The following DNAAF8 variants were observed in gnomAD, a reference collection of about 807,000 sequenced individuals.
DNAAF8 encodes the protein dynein axonemal-associated protein 1.
Under a neutral mutation model 54.6 loss-of-function variants are expected in DNAAF8, and 61 were observed. The observed-to-expected ratio is 1.12, with a 90% confidence interval of 0.91 to 1.38. The LOEUF (loss-of-function observed/expected upper bound fraction) is 1.38. Among genes scored for constraint, DNAAF8 ranks in the 40% most tolerant of loss-of-function variants. The probability of loss-of-function intolerance (pLI) is 0.00; values close to 1 mark genes in which losing one functional copy is unlikely to be tolerated. For synonymous variants in DNAAF8, 320 were observed against 270.1 expected, an observed-to-expected ratio of 1.18 and a Z score of -1.81; for missense variants, 837 against 665.0, an observed-to-expected ratio of 1.26 and a Z score of -2.85.
At chr16:4,736,794 T>A in intron 2 of DNAAF8, 151 bp downstream of exon 2, 1 of 916,334 alleles carries the variant, frequency 1.1e-6, no homozygotes, top group Non-Finnish European at 1.5e-6. Flanking sequence ...ATGGCCAGAC[T>A]CAAAGTTGTG....
chr16:4,747,592 G>C lies in DNAAF8; in HGVS notation c.1530G>C (p.Arg510Ser). Residue 510 changes from arginine (R) to serine (S), a missense_variant, in exon 9 of 10, where the codon AGG becomes AGC. Physicochemically the swap from Arg to Ser is moderately radical, Grantham distance 110. Transcript: ENST00000299320. ...LGDVPEPGAAREALMPPLEQL is the reference protein window; with the variant it reads ...LGDVPEPGAASEALMPPLEQL ...ATGTTCCTGAGCCAGGGGCAGCCAG[G>C]GAGGCCCTGATGCCTCCTCTGGAGC... is the stretch of plus-strand genomic sequence containing the variant. The C allele has an allele frequency of 6.2e-7, 1 of 1,610,396 alleles. No individual in the cohort carries two copies. The highest frequency in any genetic ancestry group is 8.5e-7 in the Non-Finnish European group (1 of 1,179,164).
chr16:4,736,867 G>A (rs971145341), intron 2 of DNAAF8, among the ~76,000 whole-genome samples: 7 of 152,146 alleles, frequency 4.6e-5, no homozygotes, highest in Admixed American at 2.6e-4. Flanking sequence ...CTCTGAGCAT[G>A]GGTATTGGTG....
chr16:4,736,323 G>A (rs1024491771), intron 1 of DNAAF8, 141 bp from the exon 2 acceptor site: 1 of 488,784 alleles, frequency 2.0e-6, no homozygotes, highest in African/African-American at 2.0e-5. Flanking sequence ...GCACTAACAG[G>A]AGCTTGCATA....
At position 4,746,504 on chromosome 16, in the gene DNAAF8, C is replaced by G; in HGVS notation, c.1173C>G (p.Ser391=). ...LRQMELPDHL[S]PESSSHSSSD... ...AGATGGAGCTACCAGACCACCTGTCCCCAGAAAGGTCCGGAGGGCAGTGAC... is the reference window on the plus strand; with the variant it reads ...AGATGGAGCTACCAGACCACCTGTCGCCAGAAAGGTCCGGAGGGCAGTGAC... Residue 391 remains serine (S), a synonymous_variant, in exon 7 of 10, where the codon TCC becomes TCG. Coordinates refer to ENST00000299320, the MANE Select transcript of DNAAF8 (RefSeq NM_139170.3). The G allele has an allele frequency of 6.2e-7, 1 of 1,613,442 alleles. No individual in the cohort carries two copies. Among genetic ancestry groups the G allele is most frequent in the Non-Finnish European group, 8.5e-7 (1 of 1,179,880 alleles).
rs772927921 is a variant in DNAAF8 at position 4,740,575 on chromosome 16, G to T, written c.699G>T (p.Ala233=). The change falls in exon 4 of 10, where the codon GCG becomes GCT. Residue 233 remains alanine, a synonymous_variant. Coordinates refer to ENST00000299320, the MANE Select transcript of DNAAF8 (RefSeq NM_139170.3). The part of the protein sequence containing the change: ...TSSDKGGVKE[A]PCHAAESAPR... ...GTGACAAAGGTGGGGTGAAGGAGGC[G>T]CCCTGCCACGCTGCGGAGTCAGCTC... The T allele has an allele frequency of 1.9e-6, 3 of 1,613,578 alleles. No individual in the cohort carries two copies. The South Asian group carries it at 3.3e-5, about 18-fold the overall frequency.
rs966618254 is a variant in DNAAF8 at position 4,734,559 on chromosome 16, C to T, written c.-191C>T. The T allele has an allele frequency of 6.6e-6, 1 of 152,292 alleles. No individual in the cohort carries two copies. Among genetic ancestry groups the T allele is most frequent in the Non-Finnish European group, 1.5e-5 (1 of 68,124 alleles). 9.4% of individuals were successfully genotyped at this position (152,292 alleles called of 1,614,324 possible). ...GGCAGTCTAGTAATGTAAAGCTCCG[C>T]TGAGAGGGAGAGTGCTGAAGAAGGG... On this transcript the variant is annotated 5_prime_UTR_variant, in exon 1 of 10. Transcript: ENST00000299320.
chr16:4,736,352 C>G, intron 1 of DNAAF8, 112 bp from the exon 2 acceptor site: 1 of 688,512 alleles, frequency 1.5e-6, no homozygotes, highest in Non-Finnish European at 2.1e-6. Context: ...GAAACTGAGG[C>G]AGGTGGTGAG....
At position 4,740,448 on chromosome 16, in the gene DNAAF8, A is replaced by G. The variant is rs568573993; in HGVS notation, c.572A>G (p.Gln191Arg). 6.2e-7 allele frequency: 1 copy of G among 1,613,966 alleles called. No individual in the cohort carries two copies. Among genetic ancestry groups the G allele is most frequent in the Admixed American group, 1.7e-5 (1 of 60,020 alleles). The change falls in exon 4 of 10, where the codon CAA (glutamine) becomes CGA (arginine). Residue 191 changes from glutamine (Q) to arginine (R), a missense_variant. By Grantham distance (43) the Gln-to-Arg change is conservative. Coordinates refer to ENST00000299320, the MANE Select transcript of DNAAF8 (RefSeq NM_139170.3). ...GCAGAGCCCCTCAGCACTGCCTCAC[A>G]AGAATCTGTGAACCGCCGGGCCCTC... ...PKAEPLSTAS[Q>R]ESVNRRALRQ... is the part of the protein sequence containing the mutation.
chr16:4,740,427 A>C lies in DNAAF8; in HGVS notation c.551A>C (p.Glu184Ala). Residue 184 changes from glutamate to alanine, a missense_variant, in exon 4 of 10, where the codon GAG becomes GCG. Physicochemically the swap from Glu to Ala is moderately radical, Grantham distance 107. Coordinates refer to ENST00000299320, the MANE Select transcript of DNAAF8 (RefSeq NM_139170.3). The part of the protein sequence containing the change: ...LSCHEGDPKA[E>A]PLSTASQESV... ...TGCCATGAAGGAGACCCAAAGGCAG[A>C]GCCCCTCAGCACTGCCTCACAAGAA... 6.2e-7 allele frequency: 1 copy of C among 1,613,968 alleles called. No individual in the cohort carries two copies. The highest frequency in any genetic ancestry group is 8.5e-7 in the Non-Finnish European group (1 of 1,179,940).
At position 4,743,044 on chromosome 16, in the gene DNAAF8, A is replaced by G; in HGVS notation, c.785A>G (p.Gln262Arg). The stretch of plus-strand genomic sequence containing the variant: ...AATCACTGGTTTTAATGATTTCAGC[A>G]ACTTGAAGCGTGGGATTTGGATGAC... ...PEGPPVLSLQQLEAWDLDDIL... is the reference protein window; with the variant it reads ...PEGPPVLSLQRLEAWDLDDIL... Residue 262 changes from glutamine (Q) to arginine (R), a missense_variant and splice_region_variant, in exon 5 of 10, where the codon CAA becomes CGA. By Grantham distance (43) the Gln-to-Arg change is conservative. Coordinates refer to ENST00000299320, the MANE Select transcript of DNAAF8 (RefSeq NM_139170.3). 2 of 1,604,862 alleles carry G rather than the reference A, an allele frequency of 1.2e-6. No individual in the cohort carries two copies. Among genetic ancestry groups the G allele is most frequent in the Non-Finnish European group, 1.7e-6 (2 of 1,172,510 alleles).
intron 1 of DNAAF8, 116 bp from the exon 2 acceptor site, chr16:4,736,348 G>A: frequency 1.5e-6 from 1 of 652,974 alleles, no homozygotes. Flanking sequence ...GAAGGAAACT[G>A]AGGCAGGTGG....
At chr16:4,742,187 T>C (rs2081967286) in intron 4 of DNAAF8, among the ~76,000 whole-genome samples, 1 of 152,184 alleles carries the variant, frequency 6.6e-6, no homozygotes, top group African/African-American at 2.4e-5. Flanking sequence ...AACAGCTTGA[T>C]TCTTAAAAGA....
In DNAAF8 at chr16:4,736,625, G is replaced by A; in HGVS notation, c.111G>A (p.Leu37=). 2 of 1,576,322 alleles carry A rather than the reference G, an allele frequency of 1.3e-6. No homozygotes were observed. The highest frequency in any genetic ancestry group is 1.7e-6 in the Non-Finnish European group (2 of 1,160,286). The change falls in exon 2 of 10, where the codon CTG becomes CTA. Residue 37 remains leucine (L), a synonymous_variant. Coordinates refer to ENST00000299320, the MANE Select transcript of DNAAF8 (RefSeq NM_139170.3). The part of the protein sequence containing the change: ...LKAVKDQLPS[L]DSDSPLSDYG... ...CTGTCAAAGACCAGCTCCCGTCTCT[G>A]GACTCAGACTCCCCTTTGGTAAGCA...
intron 2 of DNAAF8, 62 bp downstream of exon 2, chr16:4,736,705 C>A: frequency 5.7e-6 from 8 of 1,402,988 alleles, no homozygotes; most frequent in Non-Finnish European, 5.7e-6. Context: ...ATGACGCTGG[C>A]CAGGACAGCT....
chr16:4,747,007 CT>C lies in DNAAF8; in HGVS notation c.1264del (p.Ser422ProfsTer58). On this transcript the variant is annotated frameshift_variant, in exon 8 of 10. Coordinates refer to ENST00000299320, the MANE Select transcript of DNAAF8 (RefSeq NM_139170.3). LOFTEE classifies it high-confidence loss of function. ...CTGGGAGACGCAGAGGGGGCATCTC[CT>C]TCCTCCCTGGGGCTACGGTAACCAC... ...AALGDAEGAS[P>X]SSLGLRTCTG... 1 of 1,535,242 alleles carries C rather than the reference CT, an allele frequency of 6.5e-7. No homozygotes were observed. The highest frequency in any genetic ancestry group is 8.7e-7 in the Non-Finnish European group (1 of 1,145,092).
chr16:4,740,620 C>G lies in DNAAF8; in HGVS notation c.744C>G (p.Leu248=). ...CAGCTCCCAGATCCAAAATGCCCCT[C>G]GTGGAGCCTCCGGAGGGACCACCAG... ...AESAPRSKMP[L]VEPPEGPPVL... Residue 248 remains leucine, a synonymous_variant, in exon 4 of 10, where the codon CTC becomes CTG. Transcript: ENST00000299320. 1.2e-6 allele frequency: 2 copies of G among 1,610,948 alleles called. No homozygotes were observed. Among genetic ancestry groups the G allele is most frequent in the East Asian group, 4.5e-5 (2 of 44,862 alleles).
Position 4,746,466 on chromosome 16 carries a change from A to C in DNAAF8, c.1135A>C (p.Ile379Leu), listed in dbSNP as rs1034391753. The change falls in exon 7 of 10, where the codon ATT (isoleucine) becomes CTT (leucine). Residue 379 changes from isoleucine (I) to leucine (L), a missense_variant. Ile to Leu is a conservative substitution (Grantham distance 5). Transcript: ENST00000299320. ...RLNAESPTIFIDLRQMELPDH... is the reference protein window; with the variant it reads ...RLNAESPTIFLDLRQMELPDH... ...TAACGCAGAGTCCCCCACCATCTTT[A>C]TTGACCTGCGGCAGATGGAGCTACC... 2 of 1,613,770 alleles carry C rather than the reference A, an allele frequency of 1.2e-6. No individual in the cohort carries two copies. Among genetic ancestry groups the C allele is most frequent in the Non-Finnish European group, 1.7e-6 (2 of 1,180,014 alleles).
Position 4,747,437 on chromosome 16 carries a change from G to T in DNAAF8, c.1375G>T (p.Gly459Cys). ...PELPASKGPA[G>C]GRAQAPEDTA... ...GCTGCCTGCCAGCAAGGGGCCCGCG[G>T]GTGGGAGGGCTCAGGCCCCTGAAGA... Residue 459 changes from glycine (G) to cysteine (C), a missense_variant, in exon 9 of 10, where the codon GGT becomes TGT. Transcript: ENST00000299320. 1 of 1,613,108 alleles carries T rather than the reference G, an allele frequency of 6.2e-7. No homozygotes were observed. Among genetic ancestry groups the T allele is most frequent in the African/African-American group, 1.3e-5 (1 of 75,076 alleles).
chr16:4,747,650 G>A lies in DNAAF8; in HGVS notation c.*9+16G>A, dbSNP rs572416705. On this transcript the variant is annotated intron_variant, in intron 9 of 9. Transcript: ENST00000299320. ...GCTGCCTCAGGTAGTGGGATCCCAG[G>A]AGTGGGCAGGGGCGGGCTGACTTGC... 1 of 1,586,932 alleles carries A rather than the reference G, an allele frequency of 6.3e-7. No homozygotes were observed. Among genetic ancestry groups the A allele is most frequent in the East Asian group, 2.3e-5 (1 of 44,212 alleles).
Sources: gnomAD v4.1 joint callset for allele counts (sites outside exome capture counted in the v4.1 genomes callset) on GRCh38, gnomAD v4.1.1 for gene constraint, MANE v1.5 for transcripts, NCBI Gene and HGNC (gene_info 2026-07-23, HGNC 2026-07-21) for gene names.